The following DSC2 variants were observed in gnomAD, a reference collection of about 807,000 sequenced individuals.
The protein encoded by DSC2 is desmocollin 2.
DSC2 carries 51 observed loss-of-function variants against 87.6 expected under a neutral mutation model. The ratio of observed to expected loss-of-function variants is 0.58; its 90% CI spans 0.46 to 0.74. The LOEUF (loss-of-function observed/expected upper bound fraction) is 0.74, where lower values mean the gene tolerates loss of function less well. Ranked by LOEUF, DSC2 falls within the 30% of genes least tolerant of loss-of-function variation. The pLI is 0.00. For missense variants in DSC2, 1,066 were observed against 1,089.5 expected (o/e 0.98, Z 0.30); for synonymous variants, 383 against 393.2 (o/e 0.97, Z 0.31).
intron 4 of DSC2, 151 bp downstream of exon 4, chr18:31,090,877 A>G: frequency 8.6e-7 from 1 of 1,161,282 alleles, no homozygotes; most frequent in Non-Finnish European, 1.2e-6. Context: ...ATAAAGAGAT[A>G]TATTTATACC....
At chr18:31,089,199 G>T (rs531040872) in intron 5 of DSC2, among the ~76,000 whole-genome samples, 1 of 149,296 alleles carries the variant, frequency 6.7e-6, no homozygotes, top group African/African-American at 2.5e-5. Flanking sequence ...CTTCAAAGTG[G>T]TACTGTTGTG....
In DSC2 at chr18:31,062,936, T is replaced by C. The variant is rs1489869269; in HGVS notation, c.*5079A>G. Reference sequence around the variant, plus strand: ...TCTAACATACACCATGTCTATCATGTAAAATTTATGCCACAGAAAATTAGT... The same window carrying C: ...TCTAACATACACCATGTCTATCATGCAAAATTTATGCCACAGAAAATTAGT... On this transcript the variant is annotated 3_prime_UTR_variant, in exon 16 of 16. Transcript: ENST00000280904. The C allele has an allele frequency of 6.6e-6, 1 of 152,194 alleles. No individual in the cohort carries two copies. The highest frequency in any genetic ancestry group is 2.4e-5 in the African/African-American group (1 of 41,444). 9.4% of individuals were successfully genotyped at this position (152,194 alleles called of 1,614,324 possible). A position where few individuals can be genotyped will look rare whatever the true frequency, so the allele number is the denominator to read the frequency against.
In DSC2 at chr18:31,099,364, G is replaced by A. The variant is rs182068321; in HGVS notation, c.69+2539C>T. Among the ~76,000 whole-genome samples the A allele has an allele frequency of 2.4e-3, 369 of 152,236 alleles. 8 individuals are homozygous for A. The highest frequency in any genetic ancestry group is 0.021 in the Admixed American group (327 of 15,288). On this transcript the variant is annotated intron_variant, in intron 1 of 15. Transcript: ENST00000280904. ...CAGGTGACGGAGGTTAGGGGAAACA[G>A]GGATTTGCTGTTTAATGGATATAAA...
chr18:31,098,138 T>C lies in DSC2; in HGVS notation c.69+3765A>G, dbSNP rs571625412. ...GGTGTTTTTTCGCCATGAAGAAGTA[T>C]GTATATATGTACTCTTATATAATTG... On this transcript the variant is annotated intron_variant, in intron 1 of 15. Coordinates refer to ENST00000280904, the MANE Select transcript of DSC2 (RefSeq NM_024422.6). Among the ~76,000 whole-genome samples, 5 of 152,336 alleles carry C rather than the reference T, an allele frequency of 3.3e-5. No homozygotes were observed. The South Asian group carries it at 1.0e-3, about 32-fold the overall frequency.
intron 11 of DSC2, 87 bp from the exon 12 acceptor site, chr18:31,074,994 T>A: frequency 7.5e-7 from 1 of 1,325,940 alleles, no homozygotes; most frequent in Non-Finnish European, 1.1e-6. Context: ...AAATATTTAT[T>A]AAGCACCTAT....
chr18:31,086,386 A>G (rs534247522), intron 7 of DSC2, among the ~76,000 whole-genome samples, 190 bp downstream of exon 7: 2 of 152,366 alleles, frequency 1.3e-5, no homozygotes, highest in South Asian at 4.1e-4. Flanking sequence ...AACAATTCAG[A>G]AAAGAATGAA....
chr18:31,070,827 C>T lies in DSC2; in HGVS notation c.2149G>A (p.Gly717Arg), dbSNP rs981341211. The T allele has an allele frequency of 1.2e-6, 2 of 1,613,826 alleles. No homozygotes were observed. Among genetic ancestry groups the T allele is most frequent in the African/African-American group, 2.7e-5 (2 of 75,002 alleles). Residue 717 changes from glycine to arginine, a missense_variant, in exon 14 of 16, where the codon GGG becomes AGG. Transcript: ENST00000280904. ...GGTTGTTTAGACGTCCCAGAAGCCC[C>T]ACAGACCAGCGTAAACAGGATGCCT... The part of the protein sequence containing the change: ...LFCILFTLVC[G>R]ASGTSKQPKV...
rs779962050 is a variant in DSC2 at position 31,094,060 on chromosome 18, G to A, written c.70-417C>T. On this transcript the variant is annotated intron_variant, in intron 1 of 15. Coordinates refer to ENST00000280904, the MANE Select transcript of DSC2 (RefSeq NM_024422.6). The stretch of plus-strand genomic sequence containing the variant: ...AGCTTTGTTTACTATATTGTAAAAC[G>A]TATGTAATAACTTCACTGATTAACT... 3.3e-5 allele frequency among the ~76,000 whole-genome samples: 5 copies of A among 152,026 alleles called. No homozygotes were observed. In the East Asian group the frequency reaches 5.8e-4, roughly 18 times the overall value.
At position 31,067,897 on chromosome 18, in the gene DSC2, C is replaced by G; in HGVS notation, c.*118G>C. On this transcript the variant is annotated 3_prime_UTR_variant, in exon 16 of 16. Transcript: ENST00000280904. Reference sequence around the variant, plus strand: ...GTGCATTTGACCAAAGAGATTCCATCCAAATAATGAGAGAAAAACCCCCAC... The same window carrying G: ...GTGCATTTGACCAAAGAGATTCCATGCAAATAATGAGAGAAAAACCCCCAC... The G allele has an allele frequency of 3.3e-6, 3 of 910,482 alleles. No individual in the cohort carries two copies. The highest frequency in any genetic ancestry group is 5.1e-6 in the Non-Finnish European group (3 of 585,284). 56.4% of individuals were successfully genotyped at this position (910,482 alleles called of 1,614,324 possible). A position where few individuals can be genotyped will look rare whatever the true frequency, so the allele number is the denominator to read the frequency against.
At position 31,066,395 on chromosome 18, in the gene DSC2, T is replaced by C. The variant is rs913496874; in HGVS notation, c.*1620A>G. ...ACTGCTTAATTTACTTTATCATGAC[T>C]AGTAATATATAAGAATTTTGTATAT... On this transcript the variant is annotated 3_prime_UTR_variant, in exon 16 of 16. Coordinates refer to ENST00000280904, the MANE Select transcript of DSC2 (RefSeq NM_024422.6). The C allele has an allele frequency of 6.6e-6, 1 of 152,146 alleles. No homozygotes were observed. The highest frequency in any genetic ancestry group is 1.5e-5 in the Non-Finnish European group (1 of 68,004). The allele number at this position is 152,146 out of a possible 1,614,324, so 9.4% of individuals were successfully genotyped here.
rs796711361 is a variant in DSC2, at chr18:31,082,804, C to G, written c.1077+122G>C. The G allele has an allele frequency of 3.8e-5, 42 of 1,112,986 alleles. No individual in the cohort carries two copies. The African/African-American group carries it at 6.4e-4, about 17-fold the overall frequency. The allele number at this position is 1,112,986 out of a possible 1,614,324, so 68.9% of individuals were successfully genotyped here. A position where few individuals can be genotyped will look rare whatever the true frequency, so the allele number is the denominator to read the frequency against. On this transcript the variant is annotated intron_variant, in intron 8 of 15. Coordinates refer to ENST00000280904, the MANE Select transcript of DSC2 (RefSeq NM_024422.6). ...AACTCCTGACCTCAGGTGATCCGCCCGCCTCGGCCTCCCAAAGTGCTGAGA... is the reference window on the plus strand; with the variant it reads ...AACTCCTGACCTCAGGTGATCCGCCGGCCTCGGCCTCCCAAAGTGCTGAGA...
In DSC2 at chr18:31,068,042, T is replaced by C; in HGVS notation, c.2679A>G (p.Thr893=). The change falls in exon 16 of 16, where the codon ACA becomes ACG. Residue 893 remains threonine, a synonymous_variant. Coordinates refer to ENST00000280904, the MANE Select transcript of DSC2 (RefSeq NM_024422.6). The part of the protein sequence containing the change: ...FLDNLEPKFR[T]LAEACMKR ...ATCTCTTCATGCATGCTTCTGCTAGTGTCCTAAATTTGGGCTCCAAATTAT... is the reference window on the plus strand; with the variant it reads ...ATCTCTTCATGCATGCTTCTGCTAGCGTCCTAAATTTGGGCTCCAAATTAT... The C allele has an allele frequency of 6.2e-7, 1 of 1,614,038 alleles. No homozygotes were observed. Among genetic ancestry groups the C allele is most frequent in the Non-Finnish European group, 8.5e-7 (1 of 1,179,968 alleles).
chr18:31,093,541 A>C lies in DSC2; in HGVS notation c.154+18T>G. On this transcript the variant is annotated intron_variant, in intron 2 of 15. Coordinates refer to ENST00000280904, the MANE Select transcript of DSC2 (RefSeq NM_024422.6). The stretch of plus-strand genomic sequence containing the variant: ...CACAGCAAAACAGGATTTATTACAA[A>C]TTTTAGGGCTTCCTTACCTCTACCA... 6.3e-7 allele frequency: 1 copy of C among 1,588,342 alleles called. No individual in the cohort carries two copies.
chr18:31,080,061 T>A (rs759362251), intron 10 of DSC2, 35 bp downstream of exon 10: 2 of 1,612,302 alleles, frequency 1.2e-6, no homozygotes, highest in Non-Finnish European at 1.7e-6. Context: ...CAAAATAAGC[T>A]ATATATTTTA....
intron 11 of DSC2, among the ~76,000 whole-genome samples, chr18:31,079,281 T>A (rs1027866178): frequency 6.6e-6 from 1 of 152,126 alleles, no homozygotes; most frequent in Non-Finnish European, 1.5e-5. Context: ...TGAGACAGAG[T>A]CTTACTCTGT....
intron 7 of DSC2, among the ~76,000 whole-genome samples, chr18:31,084,510 G>A (rs140865123): frequency 2.0e-4 from 30 of 152,176 alleles, no homozygotes; most frequent in African/African-American, 6.0e-4. Flanking sequence ...GAAGAAAACC[G>A]GAATCCTGAG....
chr18:31,101,809 C>G, intron 1 of DSC2, 94 bp downstream of exon 1: 49 of 683,216 alleles, frequency 7.2e-5, no homozygotes, highest in Non-Finnish European at 7.9e-5. Context: ...CCCAGCTTTT[C>G]CCGCCACCCC....
At position 31,059,675 on chromosome 18, in the gene DSC2, CATT is replaced by C. The variant is rs1986463789; in HGVS notation, c.*8337_*8339del. On this transcript the variant is annotated 3_prime_UTR_variant, in exon 16 of 16. Coordinates refer to ENST00000280904, the MANE Select transcript of DSC2 (RefSeq NM_024422.6). ...GGAAACACACAATGAATAAATATTTCATTTACCGAGGATTTATCACTCAATATC... is the reference window on the plus strand; with the variant it reads ...GGAAACACACAATGAATAAATATTTCTACCGAGGATTTATCACTCAATATC... 1.3e-5 allele frequency: 2 copies of C among 152,160 alleles called. No individual in the cohort carries two copies. Among genetic ancestry groups the C allele is most frequent in the South Asian group, 4.2e-4 (2 of 4,818 alleles). 9.4% of individuals were successfully genotyped at this position (152,160 alleles called of 1,614,324 possible).
intron 15 of DSC2, 58 bp downstream of exon 15, chr18:31,068,836 T>C: frequency 6.3e-7 from 1 of 1,592,860 alleles, no homozygotes; most frequent in Admixed American, 1.7e-5. Context: ...TCCAGTTAGT[T>C]ATTTATAAAG....
Sources: gnomAD v4.1 joint callset for allele counts (sites outside exome capture counted in the v4.1 genomes callset) on GRCh38, gnomAD v4.1.1 for gene constraint, MANE v1.5 for transcripts, NCBI Gene and HGNC (gene_info 2026-07-23, HGNC 2026-07-21) for gene names.